Variants in NREP observed in about 807,000 individuals in gnomAD.
NREP encodes neuronal regeneration related protein.
Under a neutral mutation model 8.6 loss-of-function variants are expected in NREP, and 5 were observed. The observed-to-expected ratio is 0.58, with a 90% CI of 0.30 to 1.22. The LOEUF is 1.22. Among genes scored for constraint, NREP ranks in the 50% most tolerant of loss-of-function variants. The pLI is 0.07. For synonymous variants in NREP, 27 were observed against 28.0 expected, an observed-to-expected ratio of 0.96 and a Z score of 0.11; for missense variants, 86 against 82.5, an observed-to-expected ratio of 1.04 and a Z score of -0.17.
chr5:111,819,544 C>T (rs1752470045), intron 2 of NREP, among the ~76,000 whole-genome samples: 1 of 152,170 alleles, frequency 6.6e-6, no homozygotes, highest in South Asian at 2.1e-4. Flanking sequence ...AAGCATTTTG[C>T]TTCTAACATA....
At chr5:111,753,332 A>T (rs1347268136) in intron 2 of NREP, among the ~76,000 whole-genome samples, 3 of 7,616 alleles carry the variant, frequency 3.9e-4, no homozygotes, top group African/African-American at 4.9e-4. Context: ...AGTTGATTTT[A>T]TATATATATA....
chr5:111,968,161 A>G (rs1477578424), intron 2 of NREP, among the ~76,000 whole-genome samples: 1 of 152,104 alleles, frequency 6.6e-6, no homozygotes, highest in African/African-American at 2.4e-5. Flanking sequence ...TTTAATGAAA[A>G]TGTTGCTTTA....
chr5:111,770,801 C>A (rs1346719086), intron 2 of NREP, among the ~76,000 whole-genome samples: 1 of 151,920 alleles, frequency 6.6e-6, no homozygotes, highest in Non-Finnish European at 1.5e-5. Context: ...AATTTCTGGG[C>A]TCAAGCCATC....
At chr5:111,871,387 G>C (rs1753787437) in intron 2 of NREP, among the ~76,000 whole-genome samples, 1 of 152,108 alleles carries the variant, frequency 6.6e-6, no homozygotes, top group Non-Finnish European at 1.5e-5. Flanking sequence ...CATGAACGGA[G>C]CTTGCAGGAC....
chr5:111,826,915 C>A (rs1752641661), intron 2 of NREP, among the ~76,000 whole-genome samples: 1 of 152,082 alleles, frequency 6.6e-6, no homozygotes, highest in Non-Finnish European at 1.5e-5. Context: ...ATGGAATAAG[C>A]CCACATGTAA....
intron 2 of NREP, among the ~76,000 whole-genome samples, chr5:111,778,134 G>C (rs1323203885): frequency 6.6e-6 from 1 of 152,132 alleles, no homozygotes; most frequent in Non-Finnish European, 1.5e-5. Context: ...TCAGAAGTGG[G>C]AGTGGTCTTG....
Position 111,798,777 on chromosome 5 carries a change from A to G in NREP, c.136-63270T>C, listed in dbSNP as rs7710086. On this transcript the variant is annotated intron_variant, in intron 2 of 3. Transcript: ENST00000395634. ...TGTGTGTGTGTGTGTGTGTGTGTGT[A>G]TGTGTGTGTGTATACATATATATCA... Among the ~76,000 whole-genome samples the G allele has an allele frequency of 8.7e-3, 132 of 15,160 alleles. 4 individuals carry two copies. Among genetic ancestry groups the G allele is most frequent in the South Asian group, 0.024 (6 of 248 alleles). 9.9% of individuals were successfully genotyped at this position (15,160 alleles called of 152,430 possible).
chr5:111,871,053 C>CGTGTGTGTGTGTGTGTGTGTGT (rs34667486), intron 2 of NREP, among the ~76,000 whole-genome samples: 3 of 142,610 alleles, frequency 2.1e-5, no homozygotes, highest in African/African-American at 5.3e-5. Context: ...GAACCAATGG[C>CGTGTGTGTGTGTGTGTGTGTGT]GTGTGTGTGT....
intron 1 of NREP, chr5:111,756,397 T>G: frequency 3.2e-6 from 1 of 315,628 alleles, no homozygotes; most frequent in Non-Finnish European, 4.6e-6. Context: ...TTAATGTACA[T>G]ACTGCTGCAG....
chr5:111,924,328 G>A (rs1755324691), intron 2 of NREP, among the ~76,000 whole-genome samples: 1 of 152,126 alleles, frequency 6.6e-6, no homozygotes, highest in Non-Finnish European at 1.5e-5. Flanking sequence ...GTCTTTAGAC[G>A]GTGTTTGTCC....
intron 2 of NREP, among the ~76,000 whole-genome samples, chr5:111,763,436 G>T (rs1470892808): frequency 5.3e-5 from 8 of 152,180 alleles, no homozygotes; most frequent in Non-Finnish European, 1.2e-4. Flanking sequence ...AAATTATGGT[G>T]CTTTCAATCT....
rs763983202 is a variant in NREP, at chr5:111,730,983, G to T, written c.145C>A (p.Leu49Met). Residue 49 changes from leucine (L) to methionine (M), a missense_variant, in exon 4 of 4, where the codon CTG becomes ATG. Coordinates refer to ENST00000257435, the MANE Select transcript of NREP (RefSeq NM_004772.4). ...AGTTCACTGCTGCCCAGTGGAGTCA[G>T]GGAGGCAGCGTTTGTCTCATCGTTC... Reference protein sequence around the residue: ...KKNDETNAASLTPLGSSELRS... With the variant: ...KKNDETNAASMTPLGSSELRS... The T allele has an allele frequency of 1.5e-5, 25 of 1,613,796 alleles. No homozygotes were observed. The South Asian group carries it at 2.5e-4, about 16-fold the overall frequency.
intron 2 of NREP, among the ~76,000 whole-genome samples, chr5:111,886,393 C>A (rs952501358): frequency 1.2e-4 from 19 of 152,150 alleles, no homozygotes; most frequent in Middle Eastern, 3.4e-3. Context: ...ACTAGTTCAG[C>A]CATTGTGGAA....
intron 3 of NREP, chr5:111,733,996 A>C (rs1748865053): frequency 6.6e-6 from 1 of 152,210 alleles, no homozygotes; most frequent in Admixed American, 6.5e-5. Flanking sequence ...TATTATTCAC[A>C]TATTTAGAGA....
At chr5:111,935,050 T>C (rs1435775056) in intron 2 of NREP, among the ~76,000 whole-genome samples, 6 of 152,076 alleles carry the variant, frequency 3.9e-5, no homozygotes, top group African/African-American at 1.2e-4. Context: ...TTTTGTAGGA[T>C]TAAAAGCTTT....
chr5:111,976,922 C>A (rs896544196), exon 1 of NREP: 22 of 546,546 alleles, frequency 4.0e-5, no homozygotes, highest in Admixed American at 6.8e-5. Context: ...ATGCTGGCAA[C>A]AGTCATTCTG....
chr5:111,806,391 C>T (rs1023219598), intron 2 of NREP, among the ~76,000 whole-genome samples: 20 of 152,146 alleles, frequency 1.3e-4, no homozygotes, highest in African/African-American at 7.2e-5. Flanking sequence ...AAATGTGTTA[C>T]TCTTCATCCT....
At chr5:111,844,249 A>G (rs916882366) in intron 2 of NREP, among the ~76,000 whole-genome samples, 1 of 152,128 alleles carries the variant, frequency 6.6e-6, no homozygotes, top group African/African-American at 2.4e-5. Context: ...TTAAATATGA[A>G]TATTTGACAT....
chr5:111,877,266 A>G (rs1753931739), intron 2 of NREP, among the ~76,000 whole-genome samples: 1 of 152,202 alleles, frequency 6.6e-6, no homozygotes, highest in Non-Finnish European at 1.5e-5. Flanking sequence ...GGTCTCCGGC[A>G]ATAAACTCCA....
Sources: gnomAD v4.1 joint callset for allele counts (sites outside exome capture counted in the v4.1 genomes callset) on GRCh38, gnomAD v4.1.1 for gene constraint, MANE v1.5 for transcripts, NCBI Gene and HGNC (gene_info 2026-07-23, HGNC 2026-07-21) for gene names.